The following MGAT4C variants were observed in gnomAD, a reference collection of about 807,000 sequenced individuals.
MGAT4C encodes the protein MGAT4 family member C.
Under a neutral mutation model 40.1 loss-of-function variants are expected in MGAT4C, and 19 were observed. The observed-to-expected ratio is 0.47, with a 90% CI of 0.33 to 0.70. The LOEUF (loss-of-function observed/expected upper bound fraction) is 0.70, where lower values mean the gene tolerates loss of function less well. Ranked by LOEUF, MGAT4C falls within the 30% of genes least tolerant of loss-of-function variation. The pLI is 0.02. For missense variants in MGAT4C, 491 were observed against 563.2 expected (o/e 0.87, Z 1.30); for synonymous variants, 181 against 187.1 (o/e 0.97, Z 0.27).
intron 3 of MGAT4C, among the ~76,000 whole-genome samples, chr12:86,353,191 C>G (rs886231885): frequency 6.6e-6 from 1 of 151,994 alleles, no homozygotes; most frequent in African/African-American, 2.4e-5. Context: ...CTTATCTCCT[C>G]TACAGTAAAG....
At chr12:86,724,926 G>T (rs1350247932) in intron 2 of MGAT4C, among the ~76,000 whole-genome samples, 1 of 151,684 alleles carries the variant, frequency 6.6e-6, no homozygotes, top group Non-Finnish European at 1.5e-5. Flanking sequence ...AACTATATGA[G>T]GTAATGCATT....
chr12:86,825,654 T>C (rs1181602195), intron 1 of MGAT4C, among the ~76,000 whole-genome samples: 1 of 151,470 alleles, frequency 6.6e-6, no homozygotes, highest in Non-Finnish European at 1.5e-5. Flanking sequence ...TAATTTTACT[T>C]ATCTAGGTCA....
chr12:86,703,222 A>G (rs1437699117), intron 2 of MGAT4C, among the ~76,000 whole-genome samples: 4 of 152,208 alleles, frequency 2.6e-5, no homozygotes, highest in African/African-American at 9.6e-5. Flanking sequence ...TAAAGATGCT[A>G]TGAACAGTTT....
chr12:86,511,496 CT>C (rs960210552), intron 2 of MGAT4C, among the ~76,000 whole-genome samples: 1 of 151,988 alleles, frequency 6.6e-6, no homozygotes. Flanking sequence ...AAAAATGTAA[CT>C]GACATGTTTT....
At chr12:86,613,726 C>T (rs2136478574) in intron 2 of MGAT4C, among the ~76,000 whole-genome samples, 1 of 151,956 alleles carries the variant, frequency 6.6e-6, no homozygotes, top group East Asian at 1.9e-4. Context: ...TGATTTTCAA[C>T]ATAATAAAAA....
intron 1 of MGAT4C, among the ~76,000 whole-genome samples, chr12:86,784,100 T>C (rs1378278533): frequency 6.6e-6 from 1 of 151,516 alleles, no homozygotes; most frequent in Non-Finnish European, 1.5e-5. Flanking sequence ...ACAATATTCC[T>C]GATGGTGCCT....
chr12:86,465,026 T>C (rs1313241312), intron 2 of MGAT4C, among the ~76,000 whole-genome samples: 2 of 152,072 alleles, frequency 1.3e-5, no homozygotes. Flanking sequence ...GAGGCTCAGA[T>C]CAGTTAGATA....
intron 2 of MGAT4C, among the ~76,000 whole-genome samples, chr12:86,507,639 G>A (rs1958493918): frequency 6.6e-6 from 1 of 152,138 alleles, no homozygotes; most frequent in Non-Finnish European, 1.5e-5. Context: ...GCATTGGTGA[G>A]CAAGAAATCA....
At chr12:86,779,158 C>A (rs1951791290) in intron 1 of MGAT4C, among the ~76,000 whole-genome samples, 1 of 151,920 alleles carries the variant, frequency 6.6e-6, no homozygotes, top group Admixed American at 6.6e-5. Context: ...AGGACTCTTC[C>A]CTTACATCAT....
chr12:86,798,408 C>T (rs1952168831), intron 1 of MGAT4C, among the ~76,000 whole-genome samples: 1 of 151,914 alleles, frequency 6.6e-6, no homozygotes, highest in African/African-American at 2.4e-5. Flanking sequence ...ACGAGTGTTA[C>T]TACCTCAGGA....
At chr12:86,234,967 C>G (rs1446874040) in intron 1 of MGAT4C, among the ~76,000 whole-genome samples, 2 of 151,988 alleles carry the variant, frequency 1.3e-5, no homozygotes, top group Non-Finnish European at 2.9e-5. Context: ...TGTCTCCTTA[C>G]TTGGGCTCTC....
At chr12:86,607,989 G>A (rs1427485072) in intron 2 of MGAT4C, among the ~76,000 whole-genome samples, 1 of 151,928 alleles carries the variant, frequency 6.6e-6, no homozygotes, top group Non-Finnish European at 1.5e-5. Context: ...TTCTCCCTCA[G>A]CCTTCCAAAA....
At chr12:86,649,611 C>G (rs1194805388) in intron 2 of MGAT4C, among the ~76,000 whole-genome samples, 1 of 151,770 alleles carries the variant, frequency 6.6e-6, no homozygotes, top group Non-Finnish European at 1.5e-5. Context: ...ACAACATGTA[C>G]TTTTTATATA....
chr12:86,784,089 T>G (rs1951891522), intron 1 of MGAT4C, among the ~76,000 whole-genome samples: 1 of 152,002 alleles, frequency 6.6e-6, no homozygotes, highest in African/African-American at 2.4e-5. Context: ...CATATTCATC[T>G]ACAATATTCC....
intron 2 of MGAT4C, among the ~76,000 whole-genome samples, chr12:85,991,524 G>T (rs1478711856): frequency 1.3e-5 from 2 of 152,152 alleles, no homozygotes; most frequent in Non-Finnish European, 2.9e-5. Flanking sequence ...CAGGCTGCTT[G>T]CACCAATGGG....
chr12:86,649,932 A>G (rs1298569965), intron 2 of MGAT4C, among the ~76,000 whole-genome samples: 1 of 151,914 alleles, frequency 6.6e-6, no homozygotes, highest in African/African-American at 2.4e-5. Flanking sequence ...AAAGAATTTC[A>G]AAGTCAGTAG....
chr12:86,351,783 C>T (rs1280395256), intron 3 of MGAT4C, among the ~76,000 whole-genome samples: 3 of 151,890 alleles, frequency 2.0e-5, no homozygotes, highest in African/African-American at 7.2e-5. Flanking sequence ...AATTAAGATC[C>T]TAACGACTAT....
intron 3 of MGAT4C, among the ~76,000 whole-genome samples, chr12:86,420,527 C>A (rs1565749728): frequency 6.6e-6 from 1 of 152,078 alleles, no homozygotes; most frequent in African/African-American, 2.4e-5. Flanking sequence ...CTCTTAGCAG[C>A]TCATAATATG....
At chr12:86,388,668 G>GTT (rs1172330339) in intron 3 of MGAT4C, among the ~76,000 whole-genome samples, 8 of 133,128 alleles carry the variant, frequency 6.0e-5, no homozygotes, top group Admixed American at 1.5e-4. Flanking sequence ...ACACTTCAGC[G>GTT]TTTTTTGTTT....
Sources: allele counts gnomAD v4.1 joint callset (sites outside exome capture counted in the v4.1 genomes callset), GRCh38; gene constraint gnomAD v4.1.1; transcripts MANE v1.5; gene names NCBI Gene and HGNC (gene_info 2026-07-23, HGNC 2026-07-21).